Variants in MFSD8 observed in about 807,000 individuals in gnomAD.
MFSD8 encodes major facilitator superfamily domain containing 8.
In MFSD8, 55 loss-of-function variants were observed where a neutral mutation model predicts 66.4. The observed-to-expected ratio is 0.83, with a 90% confidence interval of 0.67 to 1.04. The LOEUF (loss-of-function observed/expected upper bound fraction) is 1.04, where lower values mean the gene tolerates loss of function less well. Among genes scored for constraint, MFSD8 ranks in the 50% least tolerant of loss-of-function variants. The pLI is 0.00. For synonymous variants in MFSD8, 202 were observed against 212.8 expected (o/e 0.95, Z 0.44); for missense variants, 550 against 627.6 (o/e 0.88, Z 1.32).
chr4:127,933,176 T>C, intron 7 of MFSD8, 83 bp from the exon 8 acceptor site: 2 of 1,102,962 alleles, frequency 1.8e-6, no homozygotes, highest in Non-Finnish European at 2.7e-6. Flanking sequence ...AATTACATTG[T>C]AGCAAAATTT....
At chr4:127,938,247 T>C (rs527877964) in intron 7 of MFSD8, among the ~76,000 whole-genome samples, 1 of 152,208 alleles carries the variant, frequency 6.6e-6, no homozygotes, top group Non-Finnish European at 1.5e-5. Flanking sequence ...TTTTACAATG[T>C]TTGTAACCTT....
At chr4:127,952,812 G>A (rs1742218468) in intron 2 of MFSD8, among the ~76,000 whole-genome samples, 1 of 149,366 alleles carries the variant, frequency 6.7e-6, no homozygotes, top group African/African-American at 2.5e-5. Flanking sequence ...AGAGGTTGAG[G>A]TGAGCTGAGA....
chr4:127,965,678 G>T, upstream of MFSD8: 1 of 177,910 alleles, frequency 5.6e-6, no homozygotes, highest in South Asian at 1.0e-4. Context: ...CCGTGTACGC[G>T]CCTGGAGGCA....
chr4:127,920,816 T>C lies in MFSD8; in HGVS notation c.1371A>G (p.Leu457=). The C allele has an allele frequency of 6.2e-7, 1 of 1,613,998 alleles. No homozygotes were observed. Among genetic ancestry groups the C allele is most frequent in the Non-Finnish European group, 8.5e-7 (1 of 1,180,006 alleles). The change falls in exon 12 of 12, where the codon TTA becomes TTG. Residue 457 remains leucine (L), a synonymous_variant. Coordinates refer to ENST00000641686, the MANE Select transcript of MFSD8 (RefSeq NM_001371596.2). ...PKPQGVYMGW[L]TASGSGARIL... is the part of the protein sequence containing the mutation. Reference sequence around the variant, plus strand: ...TCCGGGCTCCACTTCCAGATGCTGTTAACCAGCCCATGTATACACCCTGTT... The same window carrying C: ...TCCGGGCTCCACTTCCAGATGCTGTCAACCAGCCCATGTATACACCCTGTT...
At chr4:127,950,521 C>T (rs1189384558) in intron 2 of MFSD8, among the ~76,000 whole-genome samples, 2 of 151,158 alleles carry the variant, frequency 1.3e-5, no homozygotes, top group Non-Finnish European at 2.9e-5. Context: ...GAAACCCTGT[C>T]TCTACTAAAA....
At position 127,942,153 on chromosome 4, in the gene MFSD8, C is replaced by T. The variant is rs780249947; in HGVS notation, c.445G>A (p.Val149Ile). 6.2e-7 allele frequency: 1 copy of T among 1,603,770 alleles called. No individual in the cohort carries two copies. Among genetic ancestry groups the T allele is most frequent in the South Asian group, 1.1e-5 (1 of 90,860 alleles). ...RGLLGIGAGNVAVVRSYTAGA... is the reference protein window; with the variant it reads ...RGLLGIGAGNIAVVRSYTAGA... Reference sequence around the variant, plus strand: ...GCAGTATATGATCTAACAACTGCTACATTTCCTTAAAAACAAGACACAATA... The same window carrying T: ...GCAGTATATGATCTAACAACTGCTATATTTCCTTAAAAACAAGACACAATA... Residue 149 changes from valine (V) to isoleucine (I), a missense_variant, in exon 5 of 12, where the codon GTA becomes ATA. Physicochemically the swap from Val to Ile is conservative, Grantham distance 29. Transcript: ENST00000641686.
At chr4:127,951,635 G>A (rs1449518436) in intron 2 of MFSD8, among the ~76,000 whole-genome samples, 1 of 151,668 alleles carries the variant, frequency 6.6e-6, no homozygotes, top group Non-Finnish European at 1.5e-5. Flanking sequence ...AACCACTAAT[G>A]TACTTTGTTT....
At position 127,965,037 on chromosome 4, in the gene MFSD8, G is replaced by A. The variant is rs376941502; in HGVS notation, c.62+35C>T. On this transcript the variant is annotated intron_variant, in intron 1 of 11. Coordinates refer to ENST00000641686, the MANE Select transcript of MFSD8 (RefSeq NM_001371596.2). Reference sequence around the variant, plus strand: ...AAAGGAACCAGTCCCAACAGCGCAGGAGACTGAGGGGTCCCTCCACCAGGA... The same window carrying A: ...AAAGGAACCAGTCCCAACAGCGCAGAAGACTGAGGGGTCCCTCCACCAGGA... 5.0e-6 allele frequency: 8 copies of A among 1,609,626 alleles called. No homozygotes were observed. The African/African-American group carries it at 8.0e-5, about 16-fold the overall frequency.
At chr4:127,929,340 A>AAAAAAAAAAAAAAAAAG (rs1737744753) in intron 9 of MFSD8, among the ~76,000 whole-genome samples, 1 of 145,348 alleles carries the variant, frequency 6.9e-6, no homozygotes, top group African/African-American at 2.6e-5. Flanking sequence ...AAAAAAAAAA[A>AAAAAAAAAAAAAAAAAG]AAAAAAAAAG....
intron 1 of MFSD8, chr4:127,964,752 T>TGGCAGA (rs1744713860): frequency 2.1e-5 from 10 of 483,042 alleles, no homozygotes; most frequent in Middle Eastern, 5.9e-4. Context: ...AGAGGAGGCC[T>TGGCAGA]GGAGAGCGAG....
intron 1 of MFSD8, chr4:127,964,795 C>T (rs1744726267): frequency 1.7e-6 from 1 of 574,202 alleles, no homozygotes; most frequent in East Asian, 3.0e-5. Flanking sequence ...CACGCTGTCA[C>T]CTCTCAGCTT....
intron 3 of MFSD8, among the ~76,000 whole-genome samples, chr4:127,946,462 A>G (rs954483495): frequency 6.6e-6 from 1 of 152,230 alleles, no homozygotes; most frequent in African/African-American, 2.4e-5. Flanking sequence ...CAGCATGGAA[A>G]GAATTTTTAG....
chr4:127,918,464 T>C lies in MFSD8; in HGVS notation c.*2166A>G, dbSNP rs575446062. On this transcript the variant is annotated 3_prime_UTR_variant, in exon 12 of 12. Coordinates refer to ENST00000641686, the MANE Select transcript of MFSD8 (RefSeq NM_001371596.2). The stretch of plus-strand genomic sequence containing the variant: ...AAATTTTAATCAATATTATAAACCT[T>C]TGAAAGCTGGGAAACTTTTTTCTGT... 13 of 152,334 alleles carry C rather than the reference T, an allele frequency of 8.5e-5. No homozygotes were observed. Among genetic ancestry groups the C allele is most frequent in the African/African-American group, 2.9e-4 (12 of 41,582 alleles). The allele number at this position is 152,334 out of a possible 1,614,324, so 9.4% of individuals were successfully genotyped here. A position where few individuals can be genotyped will look rare whatever the true frequency, so the allele number is the denominator to read the frequency against.
chr4:127,965,065 C>T lies in MFSD8; in HGVS notation c.62+7G>A. 6.2e-7 allele frequency: 1 copy of T among 1,613,382 alleles called. No individual in the cohort carries two copies. Among genetic ancestry groups the T allele is most frequent in the Middle Eastern group, 1.7e-4 (1 of 6,050 alleles). On this transcript the variant is annotated splice_region_variant and intron_variant, in intron 1 of 11. Transcript: ENST00000641686. ...ACTGAGGGGTCCCTCCACCAGGATC[C>T]GCTCACCTGCTTCCAGGTGTGTCGC...
In MFSD8 at chr4:127,923,104, T is replaced by C. The variant is rs149587584; in HGVS notation, c.999-1141A>G. On this transcript the variant is annotated intron_variant, in intron 9 of 11. Transcript: ENST00000641686. ...GCAATTTGACTTTCTCATTTCCTAATTGAATACCCTTTATTTCTTTCTCTT... is the reference window on the plus strand; with the variant it reads ...GCAATTTGACTTTCTCATTTCCTAACTGAATACCCTTTATTTCTTTCTCTT... Among the ~76,000 whole-genome samples, 47 of 152,336 alleles carry C rather than the reference T, an allele frequency of 3.1e-4. No individual in the cohort carries two copies. In the East Asian group the frequency reaches 8.3e-3, roughly 27 times the overall value.
intron 5 of MFSD8, among the ~76,000 whole-genome samples, chr4:127,941,474 T>A (rs926641320): frequency 6.6e-6 from 1 of 152,162 alleles, no homozygotes; most frequent in Admixed American, 6.6e-5. Context: ...CTCATTAATT[T>A]TTTTTGAGAC....
At chr4:127,937,506 T>G (rs76746204) in intron 7 of MFSD8, among the ~76,000 whole-genome samples, 2,003 of 152,334 alleles carry the variant, frequency 0.013, 23 homozygotes, top group Middle Eastern at 0.034. Context: ...TAGTCAAAAT[T>G]AATACTTTTA....
At chr4:127,960,093 T>C (rs2148981712) in intron 1 of MFSD8, among the ~76,000 whole-genome samples, 1 of 152,320 alleles carries the variant, frequency 6.6e-6, no homozygotes, top group South Asian at 2.1e-4. Context: ...AAAACTGTAG[T>C]ACTACAGTTT....
At chr4:127,939,567 T>C (rs1292225226) in intron 6 of MFSD8, 4 of 204,170 alleles carry the variant, frequency 2.0e-5, no homozygotes, top group African/African-American at 2.9e-5. Context: ...ATAGTGCCAC[T>C]GCCCTCCAGT....
Sources: gnomAD v4.1 joint callset for allele counts (sites outside exome capture counted in the v4.1 genomes callset) on GRCh38, gnomAD v4.1.1 for gene constraint, MANE v1.5 for transcripts, NCBI Gene and HGNC (gene_info 2026-07-23, HGNC 2026-07-21) for gene names.